The following ZYG11B variants were observed in gnomAD, a reference collection of about 807,000 sequenced individuals.
ZYG11B encodes the protein protein zyg-11 homolog B.
ZYG11B carries 36 observed loss-of-function variants against 82.4 expected under a neutral mutation model. The ratio of observed to expected loss-of-function variants is 0.44; its 90% CI spans 0.33 to 0.58. ZYG11B has a LOEUF of 0.58. ZYG11B is among the 20% of genes least tolerant of loss of function. The pLI is 0.02. For missense variants in ZYG11B, 552 were observed against 895.6 expected (o/e 0.62, Z 4.90); for synonymous variants, 303 against 312.8 (o/e 0.97, Z 0.33).
intron 10 of ZYG11B, among the ~76,000 whole-genome samples, chr1:52,803,772 GTTTA>G (rs1558140954): frequency 6.6e-6 from 1 of 151,946 alleles, no homozygotes; most frequent in Non-Finnish European, 1.5e-5. Context: ...CAGCTTATTT[GTTTA>G]TTTATTTTTG....
intron 8 of ZYG11B, among the ~76,000 whole-genome samples, chr1:52,798,848 G>A (rs1645050772): frequency 6.6e-6 from 1 of 152,088 alleles, no homozygotes; most frequent in Non-Finnish European, 1.5e-5. Context: ...GAGGCAAAAA[G>A]TATATTTAAA....
chr1:52,818,997 T>A (rs1645258200), intron 13 of ZYG11B, among the ~76,000 whole-genome samples: 1 of 152,030 alleles, frequency 6.6e-6, no homozygotes, highest in African/African-American at 2.4e-5. Context: ...TTTCACAATT[T>A]TGGCCAGACT....
chr1:52,797,403 AATAT>A (rs1404053500), intron 8 of ZYG11B, among the ~76,000 whole-genome samples: 1 of 95,950 alleles, frequency 1.0e-5, no homozygotes, highest in Non-Finnish European at 1.8e-5. Flanking sequence ...TCATATATGA[AATAT>A]ATATCATATA....
At position 52,785,190 on chromosome 1, in the gene ZYG11B, A is replaced by T. The variant is rs191429050; in HGVS notation, c.1269+137A>T. ...GGTATGACTGAGTGTAAGAAAACAG[A>T]GAAGTGGACACCAAAGGAGTATATT... On this transcript the variant is annotated intron_variant, in intron 5 of 13. Coordinates refer to ENST00000294353, the MANE Select transcript of ZYG11B (RefSeq NM_024646.3). The T allele has an allele frequency of 3.2e-4, 290 of 914,396 alleles. 4 individuals carry two copies. Among genetic ancestry groups the T allele is most frequent in the Non-Finnish European group, 3.1e-5 (19 of 622,054 alleles). 56.6% of individuals were successfully genotyped at this position (914,396 alleles called of 1,614,324 possible).
intron 1 of ZYG11B, among the ~76,000 whole-genome samples, chr1:52,737,742 A>G (rs763261495): frequency 5.3e-5 from 8 of 152,246 alleles, no homozygotes; most frequent in Admixed American, 2.0e-4. Flanking sequence ...AGCCTGGGCA[A>G]CAAGAGCAAA....
intron 1 of ZYG11B, among the ~76,000 whole-genome samples, chr1:52,730,314 T>C (rs1349830322): frequency 6.6e-6 from 1 of 152,136 alleles, no homozygotes; most frequent in Non-Finnish European, 1.5e-5. Context: ...TAGAGTAATT[T>C]TATTTTATTA....
intron 8 of ZYG11B, among the ~76,000 whole-genome samples, chr1:52,800,504 C>T (rs182010707): frequency 7.8e-4 from 118 of 151,794 alleles, no homozygotes; most frequent in African/African-American, 2.4e-3. Context: ...GGGAGGAAAT[C>T]GAGCTTAAAG....
chr1:52,767,187 T>C (rs1201038278), intron 2 of ZYG11B, among the ~76,000 whole-genome samples: 1 of 151,624 alleles, frequency 6.6e-6, no homozygotes, highest in African/African-American at 2.4e-5. Flanking sequence ...TGTTACGTTA[T>C]GTTATTTTAT....
intron 5 of ZYG11B, 38 bp downstream of exon 5, chr1:52,785,091 A>G: frequency 6.3e-7 from 1 of 1,596,630 alleles, no homozygotes; most frequent in Non-Finnish European, 8.5e-7. Flanking sequence ...TAGTCCTTGT[A>G]GTGTCTTCTA....
rs1417908335 is a variant in ZYG11B at position 52,732,019 on chromosome 1, T to C, written c.30+5336T>C. ...GGTTTCACCATGTTGCCCAGGCTGC[T>C]CTCAAACTCCTGGACTCACGTGATC... On this transcript the variant is annotated intron_variant, in intron 1 of 13. Coordinates refer to ENST00000294353, the MANE Select transcript of ZYG11B (RefSeq NM_024646.3). 2.0e-5 allele frequency among the ~76,000 whole-genome samples: 3 copies of C among 152,322 alleles called. No homozygotes were observed. In the East Asian group the frequency reaches 5.8e-4, roughly 29 times the overall value.
intron 1 of ZYG11B, among the ~76,000 whole-genome samples, chr1:52,743,666 A>G (rs945845279): frequency 9.2e-5 from 14 of 152,082 alleles, no homozygotes; most frequent in African/African-American, 3.1e-4. Context: ...GCAGTGAGCT[A>G]TGATCACACT....
In ZYG11B at chr1:52,823,494, A is replaced by C. The variant is rs1208332394; in HGVS notation, c.*1865A>C. On this transcript the variant is annotated 3_prime_UTR_variant, in exon 14 of 14. Coordinates refer to ENST00000294353, the MANE Select transcript of ZYG11B (RefSeq NM_024646.3). ...TTTTCACAGACTAAGTTTATTTCAG[A>C]CAAAATAGAGAATTCTTTTAAAAGT... 1 of 151,846 alleles carries C rather than the reference A, an allele frequency of 6.6e-6. No homozygotes were observed. The highest frequency in any genetic ancestry group is 1.5e-5 in the Non-Finnish European group (1 of 67,970). 9.4% of individuals were successfully genotyped at this position (151,846 alleles called of 1,614,324 possible). A position where few individuals can be genotyped will look rare whatever the true frequency, so the allele number is the denominator to read the frequency against.
chr1:52,802,290 A>G (rs12057696), intron 10 of ZYG11B, 151 bp downstream of exon 10: 7,321 of 553,608 alleles, frequency 0.013, 402 homozygotes, highest in African/African-American at 0.13. Context: ...CCAATACCTC[A>G]CCATGATGAC....
intron 1 of ZYG11B, among the ~76,000 whole-genome samples, chr1:52,736,982 C>T (rs1644383525): frequency 6.6e-6 from 1 of 152,118 alleles, no homozygotes; most frequent in South Asian, 2.1e-4. Flanking sequence ...AAAATCTTTA[C>T]ATTTTATGCT....
chr1:52,812,437 C>A (rs1645191539), intron 10 of ZYG11B, among the ~76,000 whole-genome samples: 1 of 152,124 alleles, frequency 6.6e-6, no homozygotes, highest in Non-Finnish European at 1.5e-5. Flanking sequence ...GAGTCTCGCT[C>A]TGTTGCCCAG....
At chr1:52,748,963 G>C (rs1180245788) in intron 1 of ZYG11B, among the ~76,000 whole-genome samples, 1 of 151,756 alleles carries the variant, frequency 6.6e-6, no homozygotes, top group Non-Finnish European at 1.5e-5. Context: ...CACTTTGGGA[G>C]GCTAAGGCAG....
chr1:52,757,007 T>C (rs1184068050), intron 2 of ZYG11B, among the ~76,000 whole-genome samples: 1 of 151,164 alleles, frequency 6.6e-6, no homozygotes, highest in Non-Finnish European at 1.5e-5. Flanking sequence ...TCATTTCTAA[T>C]GGGGCAAACG....
intron 1 of ZYG11B, among the ~76,000 whole-genome samples, chr1:52,743,585 ACACCTG>A (rs1644452440): frequency 6.6e-6 from 1 of 152,010 alleles, no homozygotes; most frequent in Non-Finnish European, 1.5e-5. Flanking sequence ...GCTTTGGTGC[ACACCTG>A]TAGTCCCACG....
At chr1:52,793,883 C>CCTTCCTTCCTTCCTTA (rs1191444231) in intron 6 of ZYG11B, among the ~76,000 whole-genome samples, 32 of 138,098 alleles carry the variant, frequency 2.3e-4, no homozygotes, top group Admixed American at 2.3e-3. Flanking sequence ...TTCCTTCCTT[C>CCTTCCTTCCTTCCTTA]CTTCCTTCCT....
Sources: allele counts gnomAD v4.1 joint callset (sites outside exome capture counted in the v4.1 genomes callset), GRCh38; gene constraint gnomAD v4.1.1; transcripts MANE v1.5; gene names NCBI Gene and HGNC (gene_info 2026-07-23, HGNC 2026-07-21).